Variants in NALF1 observed in about 807,000 individuals in gnomAD.
The protein encoded by NALF1 is family with sequence similarity 155 member A.
Under a neutral mutation model 48.4 loss-of-function variants are expected in NALF1, and 3 were observed. The ratio of observed to expected loss-of-function variants is 0.06; its 90% CI spans 0.03 to 0.16. The LOEUF is 0.16. Ranked by LOEUF, NALF1 falls within the 10% of genes least tolerant of loss-of-function variation. The pLI is 1.00. For synonymous variants in NALF1, 262 were observed against 245.7 expected (o/e 1.07, Z -0.62); for missense variants, 526 against 571.5 (o/e 0.92, Z 0.81).
At chr13:107,433,656 A>T (rs1884418834) in intron 1 of NALF1, among the ~76,000 whole-genome samples, 1 of 152,166 alleles carries the variant, frequency 6.6e-6, no homozygotes. Context: ...TCTACACATT[A>T]AAAAGTTAAG....
chr13:107,299,967 T>C (rs527542303), intron 1 of NALF1, among the ~76,000 whole-genome samples: 3 of 152,272 alleles, frequency 2.0e-5, no homozygotes, highest in East Asian at 1.9e-4. Context: ...TTCTATAAAG[T>C]GTCCTGGTTC....
intron 1 of NALF1, among the ~76,000 whole-genome samples, chr13:107,518,033 A>G (rs1250882953): frequency 6.6e-6 from 1 of 152,154 alleles, no homozygotes; most frequent in Non-Finnish European, 1.5e-5. Flanking sequence ...AAAACAACCC[A>G]TGAGTCCTGC....
At chr13:107,279,502 C>T (rs1339732377) in intron 1 of NALF1, among the ~76,000 whole-genome samples, 4 of 152,112 alleles carry the variant, frequency 2.6e-5, no homozygotes, top group East Asian at 1.9e-4. Context: ...ATGATCTGCT[C>T]GCCTCAGCCT....
chr13:107,380,911 G>C (rs1477098433), intron 1 of NALF1, among the ~76,000 whole-genome samples: 9 of 149,338 alleles, frequency 6.0e-5, no homozygotes, highest in Admixed American at 5.4e-4. Flanking sequence ...CTGGGAGGCG[G>C]AGCTTGCAGA....
At chr13:107,187,498 C>T (rs1410287769) in intron 2 of NALF1, among the ~76,000 whole-genome samples, 1 of 152,166 alleles carries the variant, frequency 6.6e-6, no homozygotes, top group African/African-American at 2.4e-5. Context: ...ATTGCAGCAA[C>T]CTTCCCAGTA....
chr13:107,450,448 A>T (rs1276882587), intron 1 of NALF1, among the ~76,000 whole-genome samples: 1 of 152,098 alleles, frequency 6.6e-6, no homozygotes, highest in Admixed American at 6.6e-5. Context: ...GAAGGCTGAG[A>T]TGTGAATAGA....
chr13:107,748,454 G>A (rs1161183839), intron 1 of NALF1, among the ~76,000 whole-genome samples: 1 of 152,142 alleles, frequency 6.6e-6, no homozygotes, highest in Non-Finnish European at 1.5e-5. Context: ...GACTAGTTTT[G>A]CTACATGTAT....
intron 1 of NALF1, among the ~76,000 whole-genome samples, chr13:107,525,281 T>A (rs2139100818): frequency 6.6e-6 from 1 of 152,220 alleles, no homozygotes; most frequent in Middle Eastern, 3.4e-3. Flanking sequence ...CACAATCTCC[T>A]CAATCCTGAA....
intron 1 of NALF1, among the ~76,000 whole-genome samples, chr13:107,218,061 C>T (rs1879911920): frequency 6.6e-6 from 1 of 152,168 alleles, no homozygotes; most frequent in Admixed American, 6.5e-5. Context: ...TCTCTGCCCA[C>T]TCCCACCCGG....
At chr13:107,438,985 G>C (rs1287672759) in intron 1 of NALF1, among the ~76,000 whole-genome samples, 1 of 151,418 alleles carries the variant, frequency 6.6e-6, no homozygotes, top group Non-Finnish European at 1.5e-5. Flanking sequence ...ATTTTTATTT[G>C]AATTCAGAAA....
chr13:107,455,767 C>G (rs562941519), intron 1 of NALF1, among the ~76,000 whole-genome samples: 4 of 152,248 alleles, frequency 2.6e-5, no homozygotes, highest in Admixed American at 2.6e-4. Flanking sequence ...CCCAGAATAT[C>G]ATATAGTTGG....
chr13:107,828,190 G>GA lies in NALF1; in HGVS notation c.915+37491dup, dbSNP rs571149068. 4.0e-5 allele frequency among the ~76,000 whole-genome samples: 6 copies of GA among 151,768 alleles called. No individual in the cohort carries two copies. The South Asian group carries it at 6.2e-4, about 16-fold the overall frequency. ...GCCATGCAATCTTATCTTTCTTTTT[G>GA]AAAAAAAATTTTACGAGTAATTTGA... On this transcript the variant is annotated intron_variant, in intron 1 of 2. Coordinates refer to ENST00000375915, the MANE Select transcript of NALF1 (RefSeq NM_001080396.3).
intron 1 of NALF1, among the ~76,000 whole-genome samples, chr13:107,748,634 C>G (rs1394475401): frequency 6.6e-6 from 1 of 152,120 alleles, no homozygotes; most frequent in East Asian, 1.9e-4. Context: ...CATTAGTCAA[C>G]AATATATTTT....
intron 1 of NALF1, among the ~76,000 whole-genome samples, chr13:107,304,704 G>A (rs1355725984): frequency 6.6e-6 from 1 of 152,228 alleles, no homozygotes. Flanking sequence ...AAGTGAGAAA[G>A]TACATCCACA....
chr13:107,760,225 T>A (rs1037208804), intron 1 of NALF1, among the ~76,000 whole-genome samples: 2 of 152,192 alleles, frequency 1.3e-5, no homozygotes, highest in African/African-American at 4.8e-5. Flanking sequence ...GATTTTCACA[T>A]GTATACATGC....
intron 1 of NALF1, among the ~76,000 whole-genome samples, chr13:107,286,383 C>T (rs752432328): frequency 5.3e-5 from 8 of 151,936 alleles, no homozygotes; most frequent in African/African-American, 1.5e-4. Context: ...CCCGTAGCTC[C>T]GGCACTTTGG....
chr13:107,179,240 G>A (rs1432677151), intron 2 of NALF1, among the ~76,000 whole-genome samples: 1 of 152,180 alleles, frequency 6.6e-6, no homozygotes, highest in African/African-American at 2.4e-5. Flanking sequence ...AGGTCATTAT[G>A]TTAAGTGAAA....
intron 1 of NALF1, among the ~76,000 whole-genome samples, chr13:107,782,067 CTCTCCCTCTCTTTCCACGG>C (rs1877906369): frequency 6.6e-6 from 1 of 152,130 alleles, no homozygotes; most frequent in African/African-American, 2.4e-5. Flanking sequence ...CACGGTCTCC[CTCTCCCTCTCTTTCCACGG>C]TCTCCCTCTG....
At chr13:107,271,814 A>ATATATTTATTTATT (rs1374366280) in intron 1 of NALF1, among the ~76,000 whole-genome samples, 108 of 102,412 alleles carry the variant, frequency 1.1e-3, no homozygotes, top group African/African-American at 2.4e-3. Flanking sequence ...ATATATATAT[A>ATATATTTATTTATT]TATTTATATA....
Sources: allele counts gnomAD v4.1 joint callset (sites outside exome capture counted in the v4.1 genomes callset), GRCh38; gene constraint gnomAD v4.1.1; transcripts MANE v1.5; gene names NCBI Gene and HGNC (gene_info 2026-07-23, HGNC 2026-07-21).